PDE3A: variants seen among roughly 807,000 people sequenced by gnomAD.
PDE3A encodes cGMP-inhibited 3',5'-cyclic phosphodiesterase 3A.
PDE3A carries 43 observed loss-of-function variants against 98.3 expected under a neutral mutation model. That is an observed-to-expected ratio of 0.44 (90% CI 0.34 to 0.56). The LOEUF (loss-of-function observed/expected upper bound fraction) is 0.56. Among genes scored for constraint, PDE3A ranks in the 20% least tolerant of loss-of-function variants. The probability of loss-of-function intolerance (pLI) is 0.01; values close to 1 mark genes in which losing one functional copy is unlikely to be tolerated. For synonymous variants in PDE3A, 663 were observed against 567.9 expected, an observed-to-expected ratio of 1.17 and a Z score of -2.38; for missense variants, 1,427 against 1,440.7, an observed-to-expected ratio of 0.99 and a Z score of 0.15.
intron 1 of PDE3A, among the ~76,000 whole-genome samples, chr12:20,464,766 T>C (rs1023559862): frequency 6.6e-6 from 1 of 152,178 alleles, no homozygotes; most frequent in Non-Finnish European, 1.5e-5. Context: ...ATGAGACACA[T>C]GGATACAGAC....
intron 1 of PDE3A, among the ~76,000 whole-genome samples, chr12:20,456,237 C>T (rs562668256): frequency 1.5e-3 from 221 of 152,154 alleles, no homozygotes; most frequent in Admixed American, 2.4e-3. Flanking sequence ...GTGACAGGAA[C>T]AAGTCAGATA....
intron 1 of PDE3A, among the ~76,000 whole-genome samples, chr12:20,452,249 T>C (rs1945078213): frequency 6.6e-6 from 1 of 152,242 alleles, no homozygotes; most frequent in Non-Finnish European, 1.5e-5. Context: ...TTCTTCTTAG[T>C]GCCTGATTTA....
At chr12:20,551,467 G>T in intron 1 of PDE3A, 1 of 635,888 alleles carries the variant, frequency 1.6e-6, no homozygotes, top group South Asian at 2.0e-5. Flanking sequence ...CGATTCCGTG[G>T]GTGGTGGTGC....
intron 1 of PDE3A, among the ~76,000 whole-genome samples, chr12:20,464,879 C>CAGATATTTT (rs1321795983): frequency 2.6e-5 from 4 of 152,030 alleles, no homozygotes; most frequent in African/African-American, 9.7e-5. Flanking sequence ...GAGAGAAAAA[C>CAGATATTTT]AGATATTTTA....
At chr12:20,572,312 G>T in intron 2 of PDE3A, 1 of 264,536 alleles carries the variant, frequency 3.8e-6, no homozygotes, top group Non-Finnish European at 7.1e-6. Context: ...TTTATTAAAT[G>T]TATTTTTAGT....
intron 14 of PDE3A, among the ~76,000 whole-genome samples, chr12:20,653,034 A>G (rs765513636): frequency 6.6e-5 from 10 of 152,192 alleles, no homozygotes; most frequent in Non-Finnish European, 1.3e-4. Context: ...ATGTATAATA[A>G]TACCACTTCT....
chr12:20,612,360 C>T (rs1943880149), intron 2 of PDE3A, among the ~76,000 whole-genome samples: 1 of 150,880 alleles, frequency 6.6e-6, no homozygotes, highest in African/African-American at 2.4e-5. Flanking sequence ...TATGTTTTAT[C>T]TTCTCTGTGT....
chr12:20,386,994 T>C (rs1943823523), intron 1 of PDE3A, among the ~76,000 whole-genome samples: 1 of 152,112 alleles, frequency 6.6e-6, no homozygotes, highest in South Asian at 2.1e-4. Flanking sequence ...TGGGTATGGC[T>C]AGCCAGTTCT....
chr12:20,472,624 T>G (rs1945458422), intron 1 of PDE3A, among the ~76,000 whole-genome samples: 1 of 152,116 alleles, frequency 6.6e-6, no homozygotes, highest in African/African-American at 2.4e-5. Flanking sequence ...TAAGAACTAT[T>G]TCTCAGAAAA....
intron 2 of PDE3A, among the ~76,000 whole-genome samples, chr12:20,609,281 T>G (rs951913294): frequency 8.6e-5 from 13 of 151,726 alleles, no homozygotes; most frequent in African/African-American, 3.1e-4. Context: ...TACAAATAAG[T>G]CCCTAGCTGA....
intron 1 of PDE3A, among the ~76,000 whole-genome samples, chr12:20,545,848 C>T (rs555836067): frequency 6.6e-5 from 10 of 151,634 alleles, no homozygotes; most frequent in African/African-American, 1.9e-4. Flanking sequence ...GGAGAGATAT[C>T]GAATGGATAT....
chr12:20,626,857 T>C (rs1243951709), intron 5 of PDE3A, among the ~76,000 whole-genome samples: 1 of 152,158 alleles, frequency 6.6e-6, no homozygotes, highest in Non-Finnish European at 1.5e-5. Context: ...GCAGAGCTTC[T>C]CTCTTACAGG....
At position 20,685,937 on chromosome 12, in the gene PDE3A, T is replaced by C. The variant is rs1480322969; in HGVS notation, c.*5666T>C. ...GTAAGTATTCTCAAGAATGTTTAAA[T>C]TTGGTTTATTTTCTTGAAGCAAAGT... On this transcript the variant is annotated 3_prime_UTR_variant, in exon 16 of 16. Coordinates refer to ENST00000359062, the MANE Select transcript of PDE3A (RefSeq NM_000921.5). Among the ~76,000 whole-genome samples the C allele has an allele frequency of 1.3e-5, 2 of 152,188 alleles. No individual in the cohort carries two copies. Among genetic ancestry groups the C allele is most frequent in the East Asian group, 3.9e-4 (2 of 5,192 alleles).
rs1425342225 is a variant in PDE3A, at chr12:20,687,288, G to A, written c.*7017G>A. ...GGGTCAAAAACTCCATCTTATATCAGCGATGATTTCATTTTAACTATTTAT... is the reference window on the plus strand; with the variant it reads ...GGGTCAAAAACTCCATCTTATATCAACGATGATTTCATTTTAACTATTTAT... On this transcript the variant is annotated 3_prime_UTR_variant, in exon 16 of 16. Transcript: ENST00000359062. 2.0e-5 allele frequency among the ~76,000 whole-genome samples: 3 copies of A among 151,890 alleles called. No homozygotes were observed. The highest frequency in any genetic ancestry group is 7.2e-5 in the African/African-American group (3 of 41,386).
intron 4 of PDE3A, among the ~76,000 whole-genome samples, chr12:20,618,476 T>C (rs1319645684): frequency 6.6e-6 from 1 of 152,072 alleles, no homozygotes; most frequent in East Asian, 1.9e-4. Flanking sequence ...TCATATTCCT[T>C]TATATATACA....
In PDE3A at chr12:20,650,332, G is replaced by A. The variant is rs10770682; in HGVS notation, c.2770-113G>A. 0.32 allele frequency: 171,823 copies of A among 530,948 alleles called. 30,012 individuals are homozygous for A. Among genetic ancestry groups the A allele is most frequent in the African/African-American group, 0.54 (28,147 of 52,142 alleles). 32.9% of individuals were successfully genotyped at this position (530,948 alleles called of 1,614,324 possible). Reference sequence around the variant, plus strand: ...GTAGCTAGAGGTTCCCAATTATTTGGTATTATGATCCCTATATAATATGAA... The same window carrying A: ...GTAGCTAGAGGTTCCCAATTATTTGATATTATGATCCCTATATAATATGAA... On this transcript the variant is annotated intron_variant, in intron 13 of 15. Coordinates refer to ENST00000359062, the MANE Select transcript of PDE3A (RefSeq NM_000921.5).
chr12:20,613,727 A>C (rs772894585), intron 3 of PDE3A, 27 bp downstream of exon 3: 2 of 1,587,724 alleles, frequency 1.3e-6, no homozygotes, highest in Non-Finnish European at 1.7e-6. Context: ...TACCCCTTAA[A>C]GGGTTAAACT....
chr12:20,637,744 A>C (rs1379064885), intron 9 of PDE3A, among the ~76,000 whole-genome samples: 2 of 152,172 alleles, frequency 1.3e-5, no homozygotes, highest in Non-Finnish European at 2.9e-5. Context: ...CTGTTGCTGC[A>C]TAACCAGCCT....
Position 20,552,017 on chromosome 12 carries a change from C to CG in PDE3A, c.961-4637dup, listed in dbSNP as rs918636882. 1.2e-5 allele frequency: 19 copies of CG among 1,612,428 alleles called. No homozygotes were observed. Among genetic ancestry groups the CG allele is most frequent in the South Asian group, 2.2e-5 (2 of 91,004 alleles). The stretch of plus-strand genomic sequence containing the variant: ...GACGGAGCGTACTCCCTAGTCCTGG[C>CG]GGGGGGCTACGAGGATGACGTGGAC... On this transcript the variant is annotated intron_variant, in intron 1 of 15. Transcript: ENST00000359062. This position sits in a 1 kb window ranked among gnomAD's most constrained non-coding sequence, Gnocchi z 5.1.
Sources: gnomAD v4.1 joint callset for allele counts (sites outside exome capture counted in the v4.1 genomes callset) on GRCh38, gnomAD v4.1.1 for gene constraint, Gnocchi (gnomAD v3.1) non-coding constraint, MANE v1.5 for transcripts, NCBI Gene and HGNC (gene_info 2026-07-23, HGNC 2026-07-21) for gene names.